Variants in DNAH8 observed in about 807,000 individuals in gnomAD.
DNAH8 encodes dynein axonemal heavy chain 8, also known as axonemal beta dynein heavy chain 8.
DNAH8 carries 382 observed loss-of-function variants against 562.1 expected under a neutral mutation model. That is an observed-to-expected ratio of 0.68 (90% CI 0.63 to 0.74). DNAH8 has a LOEUF of 0.74. Ranked by LOEUF, DNAH8 falls within the 30% of genes least tolerant of loss-of-function variation. The probability of loss-of-function intolerance (pLI) is 0.00; values close to 1 mark genes in which losing one functional copy is unlikely to be tolerated. For synonymous variants in DNAH8, 1,881 were observed against 1,919.4 expected, an observed-to-expected ratio of 0.98 and a Z score of 0.52; for missense variants, 5,203 against 5,620.4, an observed-to-expected ratio of 0.93 and a Z score of 2.37.
Position 38,860,386 on chromosome 6 carries a change from A to G in DNAH8, c.5959-71A>G, listed in dbSNP as rs531429355. ...GTTCATCAAAGAGTGAATTTTAAAAACTGCCCACATGCTTATGTTTTATGC... is the reference window on the plus strand; with the variant it reads ...GTTCATCAAAGAGTGAATTTTAAAAGCTGCCCACATGCTTATGTTTTATGC... On this transcript the variant is annotated intron_variant, in intron 42 of 92. Coordinates refer to ENST00000327475, the MANE Select transcript of DNAH8 (RefSeq NM_001206927.2). 4.6e-6 allele frequency: 4 copies of G among 870,742 alleles called. No individual in the cohort carries two copies. The South Asian group carries it at 1.2e-4, about 27-fold the overall frequency. 53.9% of individuals were successfully genotyped at this position (870,742 alleles called of 1,614,324 possible).
chr6:38,879,982 C>T (rs921513337), intron 53 of DNAH8, among the ~76,000 whole-genome samples: 4 of 152,292 alleles, frequency 2.6e-5, no homozygotes, highest in Admixed American at 1.3e-4. Flanking sequence ...CACCTTCACA[C>T]CTGTAATCCC....
chr6:38,882,983 A>G lies in DNAH8; in HGVS notation c.7932A>G (p.Ser2644=). The change falls in exon 54 of 93, where the codon TCA becomes TCG. Residue 2644 remains serine, a synonymous_variant. Coordinates refer to ENST00000327475, the MANE Select transcript of DNAH8 (RefSeq NM_001206927.2). ...CTGACAGTATTCCGGAATATTCATC[A>G]ATTTTGGTTCCAAATGTTGACAATA... ...YPTDSIPEYS[S]ILVPNVDNIR... The G allele has an allele frequency of 6.2e-7, 1 of 1,606,156 alleles. No homozygotes were observed. The highest frequency in any genetic ancestry group is 8.5e-7 in the Non-Finnish European group (1 of 1,177,262).
chr6:38,862,222 G>T, intron 43 of DNAH8, 58 bp from the exon 44 acceptor site: 6 of 1,491,208 alleles, frequency 4.0e-6, no homozygotes, highest in Non-Finnish European at 5.5e-6. Flanking sequence ...TTTTGCTTGC[G>T]CCATCCTGTA....
intron 73 of DNAH8, chr6:38,924,805 T>G (rs1434689930): frequency 6.6e-6 from 1 of 152,278 alleles, no homozygotes. Context: ...TGATCTGTGC[T>G]GGTATTAACC....
rs1767436944 is a variant in DNAH8, at chr6:38,770,323, C to T, written c.1618-90C>T. ...ACTATACAGATTTTCACAGTTTGAT[C>T]AGTTCTGTGTGAGGGTAGAGTTTTT... On this transcript the variant is annotated intron_variant, in intron 11 of 92. Coordinates refer to ENST00000327475, the MANE Select transcript of DNAH8 (RefSeq NM_001206927.2). 2.0e-5 allele frequency: 14 copies of T among 708,566 alleles called. No individual in the cohort carries two copies. The South Asian group carries it at 3.1e-4, about 16-fold the overall frequency. 43.9% of individuals were successfully genotyped at this position (708,566 alleles called of 1,614,324 possible). A position where few individuals can be genotyped will look rare whatever the true frequency, so the allele number is the denominator to read the frequency against.
chr6:38,806,191 T>A (rs2150303854), intron 23 of DNAH8, among the ~76,000 whole-genome samples: 1 of 152,306 alleles, frequency 6.6e-6, no homozygotes, highest in South Asian at 2.1e-4. Context: ...TTTGCACTCA[T>A]TCCTGCTTTC....
Position 38,866,657 on chromosome 6 carries a change from A to G in DNAH8, c.6565A>G (p.Met2189Val), listed in dbSNP as rs757665480. 5.2e-5 allele frequency: 84 copies of G among 1,612,964 alleles called. No homozygotes were observed. In the East Asian group the frequency reaches 8.5e-4, roughly 16 times the overall value. ...NLKIQFRTVAMMVPDRQIIMR... is the reference protein window; with the variant it reads ...NLKIQFRTVAVMVPDRQIIMR... Reference sequence around the variant, plus strand: ...AAAAATCCAGTTTAGAACTGTTGCTATGATGGTTCCTGATAGACAGGTATG... The same window carrying G: ...AAAAATCCAGTTTAGAACTGTTGCTGTGATGGTTCCTGATAGACAGGTATG... Residue 2189 changes from methionine (M) to valine (V), a missense_variant, in exon 46 of 93, where the codon ATG (methionine) becomes GTG (valine). Around this residue, in one of 6 missense-constraint regions of DNAH8, gnomAD observed 2,176 missense variants for 2,365.1 expected, o/e 0.92. Transcript: ENST00000327475.
chr6:38,886,999 T>C lies in DNAH8; in HGVS notation c.8468T>C (p.Ile2823Thr). The C allele has an allele frequency of 6.3e-7, 1 of 1,595,546 alleles. No homozygotes were observed. Among genetic ancestry groups the C allele is most frequent in the Non-Finnish European group, 8.6e-7 (1 of 1,163,296 alleles). The change falls in exon 57 of 93, where the codon ATT (isoleucine) becomes ACT (threonine). Residue 2823 changes from isoleucine to threonine, a missense_variant. Transcript: ENST00000327475. ...TLPSNASIDK[I>T]FGIIGCGYFD... ...CCTTCAAATGCTTCAATAGACAAAA[T>C]TTTTGGTATGAATATTCTTAGCGTT...
intron 12 of DNAH8, among the ~76,000 whole-genome samples, chr6:38,772,846 G>A (rs1327510446): frequency 6.8e-6 from 1 of 148,076 alleles, no homozygotes; most frequent in Non-Finnish European, 1.5e-5. Context: ...ATTGAGATGG[G>A]GTCCTGTTTG....
Position 38,938,090 on chromosome 6 carries a change from G to A in DNAH8, c.11680G>A (p.Ala3894Thr). 3.1e-6 allele frequency: 5 copies of A among 1,613,982 alleles called. No individual in the cohort carries two copies. The highest frequency in any genetic ancestry group is 4.2e-6 in the Non-Finnish European group (5 of 1,179,996). Residue 3894 changes from alanine to threonine, a missense_variant, in exon 78 of 93, where the codon GCT becomes ACT. Physicochemically the swap from Ala to Thr is moderately conservative, Grantham distance 58. This residue lies in a region of DNAH8 where 1,399 missense variants were observed against 1,518.4 expected (regional missense o/e 0.92). Coordinates refer to ENST00000327475, the MANE Select transcript of DNAH8 (RefSeq NM_001206927.2). ...AAETEIKINA[A>T]QEEFRPAATR... ...AGAAACTGAGATCAAGATCAACGCG[G>A]CTCAGGAGGAGTTCCGGCCCGCAGC...
chr6:39,019,771 C>A (rs1380515693), intron 91 of DNAH8, among the ~76,000 whole-genome samples: 1 of 152,040 alleles, frequency 6.6e-6, no homozygotes, highest in Non-Finnish European at 1.5e-5. Context: ...TGGAGAGACC[C>A]AGGTGTTGTC....
In DNAH8 at chr6:38,778,445, G is replaced by A; in HGVS notation, c.2020G>A (p.Ala674Thr). The A allele has an allele frequency of 1.3e-6, 2 of 1,593,822 alleles. No homozygotes were observed. The highest frequency in any genetic ancestry group is 8.6e-7 in the Non-Finnish European group (1 of 1,163,768). Reference protein sequence around the residue: ...SFGKILSSQQALQLLQRFQKL... With the variant: ...SFGKILSSQQTLQLLQRFQKL... The stretch of plus-strand genomic sequence containing the variant: ...TGGGAAAATCTTATCTTCTCAGCAG[G>A]CTCTTCAGCTACTTCAAAGGTATTC... The change falls in exon 14 of 93, where the codon GCT becomes ACT. Residue 674 changes from alanine (A) to threonine (T), a missense_variant. This residue lies in a region of DNAH8 where 2,176 missense variants were observed against 2,365.1 expected (regional missense o/e 0.92). Coordinates refer to ENST00000327475, the MANE Select transcript of DNAH8 (RefSeq NM_001206927.2).
chr6:38,918,887 G>A (rs953440349), intron 70 of DNAH8, among the ~76,000 whole-genome samples: 3 of 152,232 alleles, frequency 2.0e-5, no homozygotes, highest in East Asian at 1.9e-4. Context: ...ATGAGGAGTC[G>A]GTGGGCAGGG....
At chr6:38,835,318 C>CAA (rs35817690) in intron 32 of DNAH8, among the ~76,000 whole-genome samples, 2,516 of 134,268 alleles carry the variant, frequency 0.019, 98 homozygotes, top group East Asian at 0.15. Flanking sequence ...TCTTAGTAAT[C>CAA]AAAAAAAAAA....
chr6:38,831,512 C>T (rs1773836374), intron 30 of DNAH8, among the ~76,000 whole-genome samples: 1 of 151,482 alleles, frequency 6.6e-6, no homozygotes, highest in South Asian at 2.1e-4. Context: ...GTTAAACCCA[C>T]TAACCCATCC....
At chr6:38,899,687 A>G (rs911347386) in intron 61 of DNAH8, 89 bp from the exon 62 acceptor site, 1 of 1,430,202 alleles carries the variant, frequency 7.0e-7, no homozygotes, top group African/African-American at 1.4e-5. Flanking sequence ...ATCTAGAAAC[A>G]TATGATCAAA....
chr6:38,873,182 G>A (rs779018990), intron 51 of DNAH8, 35 bp downstream of exon 51: 2 of 1,612,784 alleles, frequency 1.2e-6, no homozygotes, highest in South Asian at 2.2e-5. Context: ...AACCCTCAGA[G>A]TCTCTCCACG....
intron 12 of DNAH8, among the ~76,000 whole-genome samples, chr6:38,774,401 C>T (rs1010487466): frequency 6.6e-6 from 1 of 152,062 alleles, no homozygotes; most frequent in East Asian, 1.9e-4. Context: ...GTGGTGAGTA[C>T]TGAGAGATTG....
chr6:38,768,507 C>A (rs1767241980), intron 11 of DNAH8, among the ~76,000 whole-genome samples: 1 of 152,174 alleles, frequency 6.6e-6, no homozygotes, highest in East Asian at 1.9e-4. Context: ...CTTAAGCCAT[C>A]ATCTGCCTTG....
Sources: gnomAD v4.1 joint callset for allele counts (sites outside exome capture counted in the v4.1 genomes callset) on GRCh38, gnomAD v4.1.1 for gene constraint, gnomAD v4.1.1 regional missense constraint, MANE v1.5 for transcripts, NCBI Gene and HGNC (gene_info 2026-07-23, HGNC 2026-07-21) for gene names.